The following DYNC1LI2 variants were observed in gnomAD, a reference collection of about 807,000 sequenced individuals.
The protein encoded by DYNC1LI2 is dynein cytoplasmic 1 light intermediate chain 2, also known as cytoplasmic dynein 1 light intermediate chain 2.
In DYNC1LI2, 19 loss-of-function variants were observed where a neutral mutation model predicts 57.8. That is an observed-to-expected ratio of 0.33 (90% confidence interval 0.23 to 0.48). The LOEUF is 0.48. Ranked by LOEUF, DYNC1LI2 falls within the 20% of genes least tolerant of loss-of-function variation. The pLI is 0.99. For missense variants in DYNC1LI2, 470 were observed against 604.2 expected (o/e 0.78, Z 2.33); for synonymous variants, 256 against 233.4 (o/e 1.10, Z -0.88).
chr16:66,737,176 T>G (rs569028730), intron 4 of DYNC1LI2, among the ~76,000 whole-genome samples: 1 of 152,278 alleles, frequency 6.6e-6, no homozygotes, highest in Admixed American at 6.5e-5. Context: ...GGACTCGTGC[T>G]AAGGCATGAG....
At chr16:66,750,194 TC>T (rs2018017757) in intron 2 of DYNC1LI2, among the ~76,000 whole-genome samples, 1 of 152,196 alleles carries the variant, frequency 6.6e-6, no homozygotes, top group South Asian at 2.1e-4. Context: ...AAAACTCAGA[TC>T]TGGTGATCTT....
At chr16:66,747,705 G>A (rs969998041) in intron 3 of DYNC1LI2, among the ~76,000 whole-genome samples, 1 of 151,642 alleles carries the variant, frequency 6.6e-6, no homozygotes, top group African/African-American at 2.4e-5. Context: ...GAGTAGCTGG[G>A]GCTACAGGCA....
intron 12 of DYNC1LI2, 85 bp from the exon 13 acceptor site, chr16:66,723,907 G>A (rs1446177069): frequency 2.8e-6 from 3 of 1,084,824 alleles, no homozygotes; most frequent in Admixed American, 2.5e-5. Flanking sequence ...AAAATTATAC[G>A]CCTTCTATAA....
At chr16:66,747,445 C>T (rs1410887291) in intron 3 of DYNC1LI2, among the ~76,000 whole-genome samples, 4 of 152,074 alleles carry the variant, frequency 2.6e-5, no homozygotes, top group Admixed American at 6.6e-5. Flanking sequence ...CTTGGTTCAA[C>T]TTTGTCATTT....
Position 66,723,125 on chromosome 16 carries a change from AT to A in DYNC1LI2, c.*596del, listed in dbSNP as rs2017477011. On this transcript the variant is annotated 3_prime_UTR_variant, in exon 13 of 13. Transcript: ENST00000258198. ...TAAAGATGCATTCAAAATAAGCCTA[AT>A]TCCCATTTTGCTTAGTGTTTTGTTT... 2 of 344,340 alleles carry A rather than the reference AT, an allele frequency of 5.8e-6. No homozygotes were observed. Among genetic ancestry groups the A allele is most frequent in the African/African-American group, 2.1e-5 (1 of 46,618 alleles). The allele number at this position is 344,340 out of a possible 1,614,324, so 21.3% of individuals were successfully genotyped here.
intron 9 of DYNC1LI2, 36 bp from the exon 10 acceptor site, chr16:66,728,278 G>C: frequency 6.2e-7 from 1 of 1,613,390 alleles, no homozygotes; most frequent in Non-Finnish European, 8.5e-7. Context: ...ATTAACCAAG[G>C]CCTGCAGAGA....
chr16:66,743,081 G>C (rs1336899657), intron 3 of DYNC1LI2, among the ~76,000 whole-genome samples: 1 of 152,154 alleles, frequency 6.6e-6, no homozygotes, highest in South Asian at 2.1e-4. Context: ...AGAATTGCTT[G>C]AACCCAGGAA....
In DYNC1LI2 at chr16:66,736,133, A is replaced by T; in HGVS notation, c.641T>A (p.Leu214Gln). Reference protein sequence around the residue: ...GSDEENVALPLGDNVLTHNLG... With the variant: ...GSDEENVALPQGDNVLTHNLG... ...GTTATGAGTCAGCACATTGTCACCC[A>T]GAGGCAGGGCAACATTTTCTTCATC... The change falls in exon 5 of 13, where the codon CTG (leucine) becomes CAG (glutamine). Residue 214 changes from leucine (L) to glutamine (Q), a missense_variant. Coordinates refer to ENST00000258198, the MANE Select transcript of DYNC1LI2 (RefSeq NM_006141.3). 1 of 1,614,140 alleles carries T rather than the reference A, an allele frequency of 6.2e-7. No homozygotes were observed. Among genetic ancestry groups the T allele is most frequent in the Non-Finnish European group, 8.5e-7 (1 of 1,180,038 alleles).
At chr16:66,732,272 G>GT in intron 7 of DYNC1LI2, 67 bp downstream of exon 7, 1 of 1,573,046 alleles carries the variant, frequency 6.4e-7, no homozygotes, top group Non-Finnish European at 8.6e-7. Flanking sequence ...CCTTGAAGGG[G>GT]TAAAATGTAA....
In DYNC1LI2 at chr16:66,751,429, G is replaced by C; in HGVS notation, c.107+56C>G. On this transcript the variant is annotated intron_variant, in intron 1 of 12. Transcript: ENST00000258198. This position sits in a 1 kb window ranked among gnomAD's most constrained non-coding sequence, Gnocchi z 5.2. ...GCGTCGGCCCCTCAGTGTGTCCGAC[G>C]GTCCGGCCCAGAGGCCGCGCCCCCC... The C allele has an allele frequency of 6.3e-7, 1 of 1,581,482 alleles. No individual in the cohort carries two copies.
chr16:66,733,908 T>A (rs539258145), intron 6 of DYNC1LI2: 1 of 309,656 alleles, frequency 3.2e-6, no homozygotes, highest in South Asian at 3.7e-5. Context: ...ACAGCTATAA[T>A]CCCAGCACTT....
intron 4 of DYNC1LI2, among the ~76,000 whole-genome samples, chr16:66,737,951 C>T (rs944000120): frequency 6.6e-6 from 1 of 152,148 alleles, no homozygotes; most frequent in African/African-American, 2.4e-5. Context: ...CTTCTAAGTC[C>T]AGTAAGACTG....
At chr16:66,727,909 T>C (rs2017565238) in intron 10 of DYNC1LI2, 104 bp from the exon 11 acceptor site, 2 of 1,092,418 alleles carry the variant, frequency 1.8e-6, no homozygotes, top group East Asian at 2.4e-5. Flanking sequence ...TCACAGGCTA[T>C]GGTACAGGAC....
At chr16:66,748,001 C>T (rs1203922630) in intron 3 of DYNC1LI2, among the ~76,000 whole-genome samples, 1 of 152,078 alleles carries the variant, frequency 6.6e-6, no homozygotes, top group African/African-American at 2.4e-5. Flanking sequence ...AAAGATCTAA[C>T]ATAGGCTGGG....
intron 3 of DYNC1LI2, among the ~76,000 whole-genome samples, chr16:66,744,780 G>A (rs1192477700): frequency 1.3e-5 from 2 of 151,940 alleles, no homozygotes; most frequent in Admixed American, 1.3e-4. Context: ...GGCTGGTCTC[G>A]AACTCCTGAC....
chr16:66,744,546 T>A (rs2017900884), intron 3 of DYNC1LI2, among the ~76,000 whole-genome samples: 1 of 152,162 alleles, frequency 6.6e-6, no homozygotes, highest in Admixed American at 6.6e-5. Flanking sequence ...AATTTATTCA[T>A]TTATTTGAGA....
chr16:66,737,128 C>T (rs566791628), intron 4 of DYNC1LI2, among the ~76,000 whole-genome samples: 1 of 152,220 alleles, frequency 6.6e-6, no homozygotes, highest in South Asian at 2.1e-4. Flanking sequence ...CAAAAATTAG[C>T]TAAGGATGGT....
intron 4 of DYNC1LI2, among the ~76,000 whole-genome samples, chr16:66,737,339 C>G (rs892453585): frequency 6.6e-6 from 1 of 151,998 alleles, no homozygotes; most frequent in Non-Finnish European, 1.5e-5. Context: ...CCCTGGCCAA[C>G]ATGGTGAAAC....
rs1274064575 is a variant in DYNC1LI2, at chr16:66,737,688, G to A, written c.530-1444C>T. On this transcript the variant is annotated intron_variant, in intron 4 of 12. Transcript: ENST00000258198. ...CCCAAGTCACTTGTGCAGTGTTCAC[G>A]GCCTATTCCTGCCTAACACAAGAAA... Among the ~76,000 whole-genome samples the A allele has an allele frequency of 6.6e-5, 10 of 152,050 alleles. 1 individual carries two copies. The highest frequency in any genetic ancestry group is 5.8e-4 in the East Asian group (3 of 5,176).
Sources: gnomAD v4.1 joint callset for allele counts (sites outside exome capture counted in the v4.1 genomes callset) on GRCh38, gnomAD v4.1.1 for gene constraint, Gnocchi (gnomAD v3.1) non-coding constraint, MANE v1.5 for transcripts, NCBI Gene and HGNC (gene_info 2026-07-23, HGNC 2026-07-21) for gene names.